Variants in MMD observed in about 807,000 individuals in gnomAD.
The protein encoded by MMD is monocyte to macrophage differentiation associated, also known as monocyte to macrophage differentiation factor.
Under a neutral mutation model 33.6 loss-of-function variants are expected in MMD, and 22 were observed. The ratio of observed to expected loss-of-function variants is 0.66; its 90% confidence interval spans 0.47 to 0.94. The LOEUF (loss-of-function observed/expected upper bound fraction) is 0.94. Ranked by LOEUF, MMD falls within the 40% of genes least tolerant of loss-of-function variation. The pLI is 0.00. For missense variants in MMD, 242 were observed against 309.8 expected (o/e 0.78, Z 1.64); for synonymous variants, 97 against 103.2 (o/e 0.94, Z 0.36).
intron 3 of MMD, among the ~76,000 whole-genome samples, chr17:55,408,261 G>A (rs1433237795): frequency 6.6e-6 from 1 of 152,170 alleles, no homozygotes; most frequent in African/African-American, 2.4e-5. Context: ...CACTCCCTGA[G>A]CTGAAATCAC....
At chr17:55,400,536 A>G (rs933979892) in intron 6 of MMD, among the ~76,000 whole-genome samples, 10 of 144,066 alleles carry the variant, frequency 6.9e-5, no homozygotes, top group African/African-American at 2.6e-4. Flanking sequence ...CAACAGAGCA[A>G]GACTTTGTCT....
At chr17:55,396,316 A>AAT (rs2143114974) in intron 6 of MMD, among the ~76,000 whole-genome samples, 1 of 152,288 alleles carries the variant, frequency 6.6e-6, no homozygotes, top group East Asian at 1.9e-4. Context: ...TCTCCATTAT[A>AAT]CAGATGAGAA....
At chr17:55,414,066 G>T (rs1598434938) in intron 2 of MMD, 85 bp downstream of exon 2, 3 of 1,295,758 alleles carry the variant, frequency 2.3e-6, no homozygotes, top group Middle Eastern at 1.8e-4. Flanking sequence ...CCAACTAATT[G>T]TGCTGAGGTT....
intron 2 of MMD, 91 bp downstream of exon 2, chr17:55,414,060 C>G: frequency 8.0e-7 from 1 of 1,254,058 alleles, no homozygotes; most frequent in Non-Finnish European, 1.2e-6. Context: ...GTAAATCCAA[C>G]TAATTGTGCT....
intron 6 of MMD, among the ~76,000 whole-genome samples, chr17:55,397,585 C>T (rs1166237045): frequency 6.6e-6 from 1 of 151,740 alleles, no homozygotes; most frequent in Admixed American, 6.6e-5. Context: ...AGTGCAGTGG[C>T]CCGACCTCAG....
chr17:55,403,841 C>T lies in MMD; in HGVS notation c.372G>A (p.Leu124=), dbSNP rs371833175. The T allele has an allele frequency of 1.5e-5, 24 of 1,613,280 alleles. No homozygotes were observed. The highest frequency in any genetic ancestry group is 2.7e-5 in the African/African-American group (2 of 74,846). The change falls in exon 5 of 7, where the codon CTG becomes CTA. Residue 124 remains leucine (L), a synonymous_variant. Transcript: ENST00000262065. ...AGATAAACCAACGCATATGAGATGCCAGGGGTCCAAGTTCACGAAGATTTA... is the reference window on the plus strand; with the variant it reads ...AGATAAACCAACGCATATGAGATGCTAGGGGTCCAAGTTCACGAAGATTTA... ...PWLNLRELGP[L]ASHMRWFIWL...
intron 6 of MMD, 58 bp from the exon 7 acceptor site, chr17:55,394,592 C>T: frequency 1.5e-6 from 2 of 1,292,218 alleles, no homozygotes; most frequent in Non-Finnish European, 2.0e-6. Flanking sequence ...TGGCAAGCTA[C>T]AGATAACTGT....
rs113779787 is a variant in MMD at position 55,411,971 on chromosome 17, G to A, written c.109-554C>T. On this transcript the variant is annotated intron_variant, in intron 2 of 6. Coordinates refer to ENST00000262065, the MANE Select transcript of MMD (RefSeq NM_012329.3). ...AAACACCTGTAGTCCCAGCTATTTGGCAGGCTGAGGTGGGAAGACTGCTTG... is the reference window on the plus strand; with the variant it reads ...AAACACCTGTAGTCCCAGCTATTTGACAGGCTGAGGTGGGAAGACTGCTTG... Among the ~76,000 whole-genome samples, 334 of 152,220 alleles carry A rather than the reference G, an allele frequency of 2.2e-3. 1 individual carries two copies. Among genetic ancestry groups the A allele is most frequent in the Non-Finnish European group, 4.0e-3 (273 of 68,002 alleles).
chr17:55,401,143 T>G (rs955936687), intron 6 of MMD, among the ~76,000 whole-genome samples: 1 of 152,068 alleles, frequency 6.6e-6, no homozygotes, highest in African/African-American at 2.4e-5. Flanking sequence ...AGCTTACGAG[T>G]TGCTGGCACA....
At chr17:55,417,933 C>T (rs1297150398) in intron 1 of MMD, among the ~76,000 whole-genome samples, 1 of 152,246 alleles carries the variant, frequency 6.6e-6, no homozygotes, top group Non-Finnish European at 1.5e-5. Flanking sequence ...CCTGAGTGGT[C>T]TGGGCCTCAC....
intron 1 of MMD, among the ~76,000 whole-genome samples, chr17:55,419,287 G>C (rs1043507504): frequency 1.3e-5 from 2 of 152,246 alleles, no homozygotes; most frequent in African/African-American, 4.8e-5. Flanking sequence ...TGCTATGAAG[G>C]GGAGAGGATG....
At chr17:55,413,168 C>T (rs557952062) in intron 2 of MMD, among the ~76,000 whole-genome samples, 1 of 152,294 alleles carries the variant, frequency 6.6e-6, no homozygotes, top group East Asian at 1.9e-4. Context: ...TAAAGGTAAG[C>T]TGTGTGTTTC....
intron 4 of MMD, 67 bp downstream of exon 4, chr17:55,407,679 G>T: frequency 1.4e-6 from 2 of 1,435,532 alleles, no homozygotes; most frequent in Non-Finnish European, 1.9e-6. Flanking sequence ...AGGGAGAAAG[G>T]AAAGGAGGAG....
chr17:55,406,883 T>G (rs1417852285), intron 4 of MMD, among the ~76,000 whole-genome samples: 1 of 151,536 alleles, frequency 6.6e-6, no homozygotes, highest in African/African-American at 2.4e-5. Context: ...ATACAAAAAT[T>G]AGCTGGGTGT....
intron 2 of MMD, 121 bp downstream of exon 2, chr17:55,414,030 G>T: frequency 2.2e-6 from 2 of 902,320 alleles, no homozygotes; most frequent in South Asian, 1.4e-5. Flanking sequence ...TGATTTCCTG[G>T]TAGATAAGGT....
intron 6 of MMD, among the ~76,000 whole-genome samples, chr17:55,400,889 C>T (rs1268495028): frequency 6.6e-6 from 1 of 151,856 alleles, no homozygotes; most frequent in Non-Finnish European, 1.5e-5. Context: ...CCACGAAAAT[C>T]CCCAAAAGAT....
At chr17:55,418,953 T>C (rs1249261358) in intron 1 of MMD, among the ~76,000 whole-genome samples, 3 of 152,102 alleles carry the variant, frequency 2.0e-5, no homozygotes, top group Non-Finnish European at 1.5e-5. Flanking sequence ...GCTCTGTGGA[T>C]CTTATGCCTA....
At chr17:55,407,690 T>G in intron 4 of MMD, 56 bp downstream of exon 4, 1 of 1,482,214 alleles carries the variant, frequency 6.7e-7, no homozygotes, top group Non-Finnish European at 9.3e-7. Context: ...AAAGGAGGAG[T>G]GAGGAATTCT....
At chr17:55,419,917 G>A (rs980867765) in intron 1 of MMD, among the ~76,000 whole-genome samples, 7 of 152,058 alleles carry the variant, frequency 4.6e-5, no homozygotes, top group East Asian at 1.9e-4. Context: ...GAATAATAGC[G>A]CAAAAATCAC....
Sources: allele counts gnomAD v4.1 joint callset (sites outside exome capture counted in the v4.1 genomes callset), GRCh38; gene constraint gnomAD v4.1.1; transcripts MANE v1.5; gene names NCBI Gene and HGNC (gene_info 2026-07-23, HGNC 2026-07-21).